The following TXLNA variants were observed in gnomAD, a reference collection of about 807,000 sequenced individuals.
TXLNA encodes taxilin alpha.
In TXLNA, 9 loss-of-function variants were observed where a neutral mutation model predicts 61.4. The observed-to-expected ratio is 0.15, with a 90% confidence interval of 0.09 to 0.26. TXLNA has a LOEUF of 0.26. TXLNA is among the 10% of genes least tolerant of loss of function. The probability of loss-of-function intolerance (pLI) is 1.00; values close to 1 mark genes in which losing one functional copy is unlikely to be tolerated. For missense variants in TXLNA, 565 were observed against 688.8 expected, an observed-to-expected ratio of 0.82 and a Z score of 2.01; for synonymous variants, 257 against 267.7, an observed-to-expected ratio of 0.96 and a Z score of 0.39.
In TXLNA at chr1:32,192,872, G is replaced by A. The variant is rs765472980; in HGVS notation, c.1158+141G>A. On this transcript the variant is annotated intron_variant, in intron 8 of 10. Coordinates refer to ENST00000373610, the MANE Select transcript of TXLNA (RefSeq NM_175852.4). The surrounding 1 kb of genome is among the most constrained non-coding windows in gnomAD (Gnocchi z 4.2). Reference sequence around the variant, plus strand: ...CCTTGGTTGAGCCTTTGTTCTCTCCGGACCTGCACAGTACCTATGTGGTGG... The same window carrying A: ...CCTTGGTTGAGCCTTTGTTCTCTCCAGACCTGCACAGTACCTATGTGGTGG... The A allele has an allele frequency of 1.9e-5, 16 of 822,546 alleles. No homozygotes were observed. Among genetic ancestry groups the A allele is most frequent in the South Asian group, 8.2e-5 (5 of 60,710 alleles). The allele number at this position is 822,546 out of a possible 1,614,324, so 51.0% of individuals were successfully genotyped here.
Position 32,195,225 on chromosome 1 carries a change from G to A in TXLNA, c.*30G>A. The A allele has an allele frequency of 6.5e-7, 1 of 1,537,660 alleles. No homozygotes were observed. The highest frequency in any genetic ancestry group is 1.4e-5 in the African/African-American group (1 of 72,298). ...CCTGGTGTTGGGTCATGCTGGGAAG[G>A]GAGCGGCAGCCCAGCCAGGCCTGGC... On this transcript the variant is annotated 3_prime_UTR_variant, in exon 11 of 11. Transcript: ENST00000373610.
intron 10 of TXLNA, 82 bp from the exon 11 acceptor site, chr1:32,194,820 G>A: frequency 6.7e-7 from 1 of 1,499,360 alleles, no homozygotes. Flanking sequence ...TCTCAGCCTT[G>A]TTAAAGTGTT....
intron 4 of TXLNA, 87 bp downstream of exon 4, chr1:32,184,703 AG>A: frequency 2.4e-6 from 2 of 842,196 alleles, no homozygotes; most frequent in Non-Finnish European, 3.9e-6. Flanking sequence ...AGAGTCAAGT[AG>A]GTGGCTTAAT....
At chr1:32,193,441 G>C (rs1642949150) in intron 9 of TXLNA, 141 bp downstream of exon 9, 1 of 673,860 alleles carries the variant, frequency 1.5e-6, no homozygotes, top group East Asian at 2.7e-5. Context: ...TTCCCCTCTT[G>C]AGGCAGTATC....
intron 2 of TXLNA, among the ~76,000 whole-genome samples, chr1:32,181,003 C>T (rs552896662): frequency 6.6e-6 from 1 of 152,210 alleles, no homozygotes; most frequent in Admixed American, 6.5e-5. Context: ...AGTAAACAGA[C>T]TTAAAGAAGT....
intron 6 of TXLNA, among the ~76,000 whole-genome samples, chr1:32,191,319 G>A (rs768633773): frequency 3.9e-5 from 6 of 152,110 alleles, no homozygotes; most frequent in Admixed American, 6.5e-5. Context: ...GTGAGACCGG[G>A]AAGATCTGCC....
intron 5 of TXLNA, 44 bp downstream of exon 5, chr1:32,188,168 C>T: frequency 1.3e-6 from 2 of 1,508,258 alleles, no homozygotes. Context: ...GTTTCCTTGA[C>T]TTCCACTTAA....
chr1:32,183,399 C>T (rs1349057876), intron 3 of TXLNA, among the ~76,000 whole-genome samples: 2 of 147,532 alleles, frequency 1.4e-5, no homozygotes, highest in Non-Finnish European at 3.0e-5. Context: ...GCTGGGATTA[C>T]AGGCGTGGGC....
intron 4 of TXLNA, 114 bp downstream of exon 4, chr1:32,184,730 C>A: frequency 1.5e-6 from 1 of 648,926 alleles, no homozygotes; most frequent in Non-Finnish European, 2.7e-6. Context: ...TTCAGCTTTT[C>A]TCTGAACTAT....
intron 3 of TXLNA, 55 bp from the exon 4 acceptor site, chr1:32,184,470 C>A: frequency 1.7e-6 from 2 of 1,197,700 alleles, no homozygotes; most frequent in Non-Finnish European, 1.2e-6. Context: ...TGAGCCCAGG[C>A]CTGGAGGGGA....
At chr1:32,194,423 G>C (rs1016068228) in intron 10 of TXLNA, among the ~76,000 whole-genome samples, 1 of 152,184 alleles carries the variant, frequency 6.6e-6, no homozygotes, top group African/African-American at 2.4e-5. Context: ...TGATGTGCCT[G>C]GTTTACATGT....
chr1:32,182,676 AG>A (rs1478816020), intron 3 of TXLNA, among the ~76,000 whole-genome samples: 3 of 151,530 alleles, frequency 2.0e-5, no homozygotes, highest in Admixed American at 6.6e-5. Context: ...AAAAAAAAAA[AG>A]AATCTAGAAT....
chr1:32,186,305 G>C (rs891624335), intron 4 of TXLNA, among the ~76,000 whole-genome samples: 2 of 152,178 alleles, frequency 1.3e-5, no homozygotes, highest in African/African-American at 4.8e-5. Flanking sequence ...GACTGGAGGA[G>C]AGGACGGGGC....
chr1:32,189,044 T>TC (rs1449887085), intron 5 of TXLNA, among the ~76,000 whole-genome samples: 2 of 152,236 alleles, frequency 1.3e-5, no homozygotes, highest in Admixed American at 1.3e-4. Flanking sequence ...TGCCTTTTTT[T>TC]CACTTTACAT....
Position 32,195,873 on chromosome 1 carries a change from A to G in TXLNA, c.*678A>G. Reference sequence around the variant, plus strand: ...CAGGACCAGGCCAATGATGCTTCTCAGTAGCCTTATCATTCACAGGTGCCT... The same window carrying G: ...CAGGACCAGGCCAATGATGCTTCTCGGTAGCCTTATCATTCACAGGTGCCT... On this transcript the variant is annotated 3_prime_UTR_variant, in exon 11 of 11. Coordinates refer to ENST00000373610, the MANE Select transcript of TXLNA (RefSeq NM_175852.4). The G allele has an allele frequency of 2.3e-6, 1 of 432,840 alleles. No individual in the cohort carries two copies. The highest frequency in any genetic ancestry group is 4.7e-6 in the Non-Finnish European group (1 of 214,494). 26.8% of individuals were successfully genotyped at this position (432,840 alleles called of 1,614,324 possible).
rs1268873026 is a variant in TXLNA, at chr1:32,181,238, G to A, written c.170-4G>A. The A allele has an allele frequency of 1.3e-6, 2 of 1,563,088 alleles. No individual in the cohort carries two copies. Among genetic ancestry groups the A allele is most frequent in the East Asian group, 2.3e-5 (1 of 44,182 alleles). The stretch of plus-strand genomic sequence containing the variant: ...ACTCTACCCCTCATCCTCTCCTGCT[G>A]TAGGGGCTCAAGCCAGAACGGCTCA... On this transcript the variant is annotated splice_polypyrimidine_tract_variant and splice_region_variant and intron_variant, in intron 2 of 10. Coordinates refer to ENST00000373610, the MANE Select transcript of TXLNA (RefSeq NM_175852.4).
chr1:32,181,121 T>TAAA, intron 2 of TXLNA, 121 bp from the exon 3 acceptor site: 1 of 663,014 alleles, frequency 1.5e-6, no homozygotes, highest in Non-Finnish European at 2.2e-6. Context: ...TCAGTTTCCA[T>TAAA]AAAAAAAAAA....
rs193249585 is a variant in TXLNA at position 32,185,824 on chromosome 1, G to A, written c.597+1208G>A. Among the ~76,000 whole-genome samples the A allele has an allele frequency of 8.6e-5, 13 of 151,738 alleles. No individual in the cohort carries two copies. In the East Asian group the frequency reaches 1.9e-3, roughly 23 times the overall value. On this transcript the variant is annotated intron_variant, in intron 4 of 10. Transcript: ENST00000373610. ...AGCGAGTCTCCTGCCTCAGCCTCCC[G>A]AGTAGCTGGGATTACAGGTGCATGT...
At chr1:32,194,390 G>A (rs1282224654) in intron 10 of TXLNA, among the ~76,000 whole-genome samples, 1 of 152,136 alleles carries the variant, frequency 6.6e-6, no homozygotes, top group Non-Finnish European at 1.5e-5. Context: ...AGGAATAAAA[G>A]AGCAGAAAAA....
Sources: allele counts gnomAD v4.1 joint callset (sites outside exome capture counted in the v4.1 genomes callset), GRCh38; gene constraint gnomAD v4.1.1; non-coding constraint Gnocchi (gnomAD v3.1); transcripts MANE v1.5; gene names NCBI Gene and HGNC (gene_info 2026-07-23, HGNC 2026-07-21).